PRR14L: variants seen among roughly 807,000 people sequenced by gnomAD.
The protein encoded by PRR14L is protein PRR14L.
A neutral mutation model predicts 155.0 loss-of-function variants in PRR14L; 80 were observed. The ratio of observed to expected loss-of-function variants is 0.52; its 90% confidence interval spans 0.43 to 0.62. PRR14L has a LOEUF of 0.62. Among genes scored for constraint, PRR14L ranks in the 20% least tolerant of loss-of-function variants. The pLI is 0.00. For missense variants in PRR14L, 2,469 were observed against 2,548.0 expected (o/e 0.97, Z 0.67); for synonymous variants, 883 against 916.0 (o/e 0.96, Z 0.65).
intron 4 of PRR14L, among the ~76,000 whole-genome samples, chr22:31,709,986 GC>G (rs1477174540): frequency 6.6e-6 from 1 of 151,984 alleles, no homozygotes; most frequent in Admixed American, 6.6e-5. Context: ...TGTTGCCTAG[GC>G]TAGAGTGTAG....
chr22:31,731,956 A>G (rs966976023), intron 2 of PRR14L, among the ~76,000 whole-genome samples: 1 of 152,106 alleles, frequency 6.6e-6, no homozygotes, highest in Admixed American at 6.6e-5. Context: ...CTCACATCCC[A>G]GTTGTCTAGT....
At chr22:31,707,366 T>C (rs1569498104) in intron 4 of PRR14L, among the ~76,000 whole-genome samples, 1 of 151,036 alleles carries the variant, frequency 6.6e-6, no homozygotes, top group Non-Finnish European at 1.5e-5. Flanking sequence ...GAACAAACAG[T>C]TTGGAGGAAG....
chr22:31,708,359 C>G (rs186778049), intron 4 of PRR14L, among the ~76,000 whole-genome samples: 2,257 of 151,968 alleles, frequency 0.015, 55 homozygotes, highest in African/African-American at 0.052. Context: ...CAGAGTCTCA[C>G]TCTGTCGCCC....
chr22:31,718,889 C>T (rs1433099093), intron 3 of PRR14L, among the ~76,000 whole-genome samples: 5 of 151,518 alleles, frequency 3.3e-5, no homozygotes, highest in Non-Finnish European at 7.4e-5. Context: ...GCCTGGCCAA[C>T]ATGACAAAAA....
At chr22:31,724,983 C>T (rs1404657021) in intron 3 of PRR14L, among the ~76,000 whole-genome samples, 1 of 152,174 alleles carries the variant, frequency 6.6e-6, no homozygotes, top group East Asian at 1.9e-4. Context: ...GAAAATGATA[C>T]ACTACCACAT....
intron 7 of PRR14L, among the ~76,000 whole-genome samples, chr22:31,698,357 C>T (rs2074545648): frequency 6.6e-6 from 1 of 151,878 alleles, no homozygotes; most frequent in South Asian, 2.1e-4. Context: ...ATTAACAATA[C>T]CAAAAAGTAC....
intron 3 of PRR14L, among the ~76,000 whole-genome samples, chr22:31,722,898 G>A (rs1428231294): frequency 6.6e-6 from 1 of 152,178 alleles, no homozygotes; most frequent in East Asian, 1.9e-4. Context: ...GGCAGAGCAA[G>A]CCAAAATGCT....
In PRR14L at chr22:31,708,324, G is replaced by GTTGT. The variant is rs531781941; in HGVS notation, c.5757-3602_5757-3599dup. On this transcript the variant is annotated intron_variant, in intron 4 of 8. Transcript: ENST00000327423. Reference sequence around the variant, plus strand: ...CTACACAATACAAACCAGCAGGTTTGTTGTTTATTTATTTATTTTTGAGAC... The same window carrying GTTGT: ...CTACACAATACAAACCAGCAGGTTTGTTGTTTGTTTATTTATTTATTTTTGAGAC... 3.2e-3 allele frequency among the ~76,000 whole-genome samples: 492 copies of GTTGT among 151,586 alleles called. 2 individuals are homozygous for GTTGT. Among genetic ancestry groups the GTTGT allele is most frequent in the African/African-American group, 0.012 (477 of 41,114 alleles).
intron 4 of PRR14L, among the ~76,000 whole-genome samples, chr22:31,707,802 T>C (rs141303927): frequency 6.6e-6 from 1 of 152,304 alleles, no homozygotes; most frequent in East Asian, 1.9e-4. Context: ...TAAAACAATG[T>C]GAATCACTCT....
At chr22:31,728,167 A>G (rs1275792748) in intron 2 of PRR14L, among the ~76,000 whole-genome samples, 1 of 152,114 alleles carries the variant, frequency 6.6e-6, no homozygotes, top group Admixed American at 6.6e-5. Flanking sequence ...CTTGGATGCA[A>G]TGGACATGTA....
intron 3 of PRR14L, among the ~76,000 whole-genome samples, chr22:31,725,213 G>A (rs1198108477): frequency 6.6e-6 from 1 of 151,994 alleles, no homozygotes; most frequent in Non-Finnish European, 1.5e-5. Flanking sequence ...TAGGCAACAT[G>A]GTGAGACCTT....
chr22:31,695,044 C>T (rs2074529071), intron 7 of PRR14L, among the ~76,000 whole-genome samples: 1 of 152,134 alleles, frequency 6.6e-6, no homozygotes, highest in African/African-American at 2.4e-5. Context: ...GATCGCGGCA[C>T]TGCACTCCAG....
chr22:31,717,716 A>C (rs2074667891), intron 3 of PRR14L, among the ~76,000 whole-genome samples: 1 of 152,200 alleles, frequency 6.6e-6, no homozygotes, highest in African/African-American at 2.4e-5. Flanking sequence ...CGATAAAATT[A>C]GTCCTTGGAA....
intron 3 of PRR14L, among the ~76,000 whole-genome samples, chr22:31,718,911 C>G (rs952345996): frequency 2.0e-5 from 3 of 151,338 alleles, no homozygotes; most frequent in Non-Finnish European, 4.4e-5. Flanking sequence ...CCATCTCTAC[C>G]GAAAATACAA....
intron 7 of PRR14L, among the ~76,000 whole-genome samples, chr22:31,698,711 G>A (rs544714077): frequency 1.3e-5 from 2 of 152,004 alleles, no homozygotes; most frequent in African/African-American, 4.8e-5. Flanking sequence ...ACGGGGTCAG[G>A]AGATCAAGAC....
At chr22:31,737,031 CAAAAAAAAAAAAAAA>C (rs10589286) in intron 2 of PRR14L, among the ~76,000 whole-genome samples, 2 of 49,840 alleles carry the variant, frequency 4.0e-5, no homozygotes. Context: ...GTGAGAGACT[CAAAAAAAAAAAAAAA>C]AAAAAAAAAA....
Position 31,738,906 on chromosome 22 carries a change from T to C in PRR14L, c.-46A>G. On this transcript the variant is annotated 5_prime_UTR_variant, in exon 2 of 9. Transcript: ENST00000327423. ...GAGTCAAGTCTTTTACATCAAATGA[T>C]TCACCCTGACACAAATCACAGGAAG... is the stretch of plus-strand genomic sequence containing the variant. The C allele has an allele frequency of 7.7e-7, 1 of 1,290,534 alleles. No individual in the cohort carries two copies. The highest frequency in any genetic ancestry group is 1.1e-6 in the Non-Finnish European group (1 of 938,122). 79.9% of individuals were successfully genotyped at this position (1,290,534 alleles called of 1,614,324 possible).
intron 2 of PRR14L, among the ~76,000 whole-genome samples, chr22:31,732,023 G>T (rs2074753201): frequency 6.6e-6 from 1 of 152,114 alleles, no homozygotes; most frequent in African/African-American, 2.4e-5. Flanking sequence ...TTACAGAAGT[G>T]CCAGTTTCTC....
intron 2 of PRR14L, among the ~76,000 whole-genome samples, chr22:31,735,545 T>C (rs1349694001): frequency 6.6e-6 from 1 of 151,810 alleles, no homozygotes; most frequent in African/African-American, 2.4e-5. Context: ...TATATACATG[T>C]GTGTGTTCAT....
Sources: gnomAD v4.1 joint callset for allele counts (sites outside exome capture counted in the v4.1 genomes callset) on GRCh38, gnomAD v4.1.1 for gene constraint, MANE v1.5 for transcripts, NCBI Gene and HGNC (gene_info 2026-07-23, HGNC 2026-07-21) for gene names.